The following AQP9 variants were observed in gnomAD, a reference collection of about 807,000 sequenced individuals.
AQP9 encodes the protein aquaporin 9, also known as aquaporin-9.
AQP9 carries 19 observed loss-of-function variants against 23.8 expected under a neutral mutation model. The observed-to-expected ratio is 0.80, with a 90% CI of 0.56 to 1.17. AQP9 has a LOEUF of 1.17. AQP9 is among the 50% of genes most tolerant of loss of function. The probability of loss-of-function intolerance (pLI) is 0.00; values close to 1 mark genes in which losing one functional copy is unlikely to be tolerated. For missense variants in AQP9, 413 were observed against 362.0 expected (o/e 1.14, Z -1.14); for synonymous variants, 153 against 131.5 (o/e 1.16, Z -1.12).
At chr15:58,174,190 A>T (rs1335013866) in intron 3 of AQP9, among the ~76,000 whole-genome samples, 2 of 152,114 alleles carry the variant, frequency 1.3e-5, no homozygotes, top group Non-Finnish European at 2.9e-5. Flanking sequence ...CAGGAGGCTG[A>T]TAAGAGGATT....
intron 1 of AQP9, among the ~76,000 whole-genome samples, chr15:58,157,337 T>A (rs1176077350): frequency 2.0e-5 from 3 of 152,192 alleles, no homozygotes; most frequent in African/African-American, 7.2e-5. Context: ...CCCAGAAAAG[T>A]CTTTGAAAGA....
intron 5 of AQP9, 151 bp downstream of exon 5, chr15:58,179,496 A>G (rs927225086): frequency 1.7e-6 from 1 of 598,662 alleles, no homozygotes; most frequent in African/African-American, 2.1e-5. Context: ...TTTCACTGGT[A>G]TTTTGTGGTA....
At chr15:58,146,188 C>T (rs1335517416) in intron 1 of AQP9, among the ~76,000 whole-genome samples, 2 of 152,056 alleles carry the variant, frequency 1.3e-5, no homozygotes, top group African/African-American at 2.4e-5. Context: ...TATTACCTTG[C>T]CTTTCCCCCA....
intron 2 of AQP9, among the ~76,000 whole-genome samples, chr15:58,172,481 T>G (rs561038708): frequency 1.3e-5 from 2 of 152,172 alleles, no homozygotes; most frequent in Non-Finnish European, 2.9e-5. Flanking sequence ...CATTTCTGTA[T>G]AGGAGAGAAA....
At chr15:58,174,191 T>C (rs1278625647) in intron 3 of AQP9, among the ~76,000 whole-genome samples, 1 of 151,116 alleles carries the variant, frequency 6.6e-6, no homozygotes, top group Non-Finnish European at 1.5e-5. Flanking sequence ...AGGAGGCTGA[T>C]AAGAGGATTG....
intron 1 of AQP9, chr15:58,153,739 T>C (rs1898194111): frequency 6.6e-6 from 1 of 152,164 alleles, no homozygotes; most frequent in South Asian, 2.1e-4. Context: ...GGTATGCCTT[T>C]CCTCACAGGC....
chr15:58,179,946 T>G (rs1328256720), intron 5 of AQP9, among the ~76,000 whole-genome samples: 2 of 152,180 alleles, frequency 1.3e-5, no homozygotes, highest in Non-Finnish European at 2.9e-5. Context: ...AAGACATGAC[T>G]GCAAATGTGA....
chr15:58,147,530 G>T (rs1486817031), intron 1 of AQP9, among the ~76,000 whole-genome samples: 1 of 152,180 alleles, frequency 6.6e-6, no homozygotes, highest in Admixed American at 6.5e-5. Context: ...TGCCAGCAAA[G>T]TGTGCCGGCC....
chr15:58,151,981 A>T (rs1898159733), intron 1 of AQP9: 1 of 152,172 alleles, frequency 6.6e-6, no homozygotes, highest in African/African-American at 2.4e-5. Context: ...AAACGGACTT[A>T]AAATCACTAT....
At chr15:58,181,218 C>T (rs115314614) in intron 5 of AQP9, among the ~76,000 whole-genome samples, 58 of 152,346 alleles carry the variant, frequency 3.8e-4, no homozygotes, top group African/African-American at 1.3e-3. Flanking sequence ...CCTTAGCTAG[C>T]ATCAGGATCT....
At chr15:58,171,834 G>GATCATCATC (rs34291701) in intron 2 of AQP9, among the ~76,000 whole-genome samples, 50 of 149,946 alleles carry the variant, frequency 3.3e-4, no homozygotes, top group Admixed American at 1.0e-3. Flanking sequence ...TTCTGTGCAG[G>GATCATCATC]ATCATCATCA....
chr15:58,176,016 C>G (rs1404134769), intron 4 of AQP9, among the ~76,000 whole-genome samples: 1 of 152,198 alleles, frequency 6.6e-6, no homozygotes, highest in African/African-American at 2.4e-5. Context: ...GCTGTTCTGC[C>G]TCCAACTTCC....
chr15:58,150,678 T>C (rs1475474458), intron 1 of AQP9: 1 of 152,212 alleles, frequency 6.6e-6, no homozygotes, highest in Non-Finnish European at 1.5e-5. Context: ...TTACTAGCAA[T>C]TACATTTTGA....
intron 2 of AQP9, among the ~76,000 whole-genome samples, chr15:58,167,044 G>C (rs1278692925): frequency 6.6e-6 from 1 of 152,200 alleles, no homozygotes; most frequent in African/African-American, 2.4e-5. Context: ...TCATTCCTAA[G>C]TCTGGCCGCT....
At chr15:58,166,976 T>C (rs59983186) in intron 2 of AQP9, among the ~76,000 whole-genome samples, 177 bp downstream of exon 2, 3,725 of 152,336 alleles carry the variant, frequency 0.024, 160 homozygotes, top group African/African-American at 0.084. Context: ...AAGTAACTTA[T>C]TATGCAAAGG....
At chr15:58,156,109 A>T (rs1276969654) in intron 1 of AQP9, 2 of 152,170 alleles carry the variant, frequency 1.3e-5, no homozygotes, top group Non-Finnish European at 2.9e-5. Flanking sequence ...GTAAACCAGA[A>T]ATGGGGAATT....
At chr15:58,181,152 A>G (rs1238874169) in intron 5 of AQP9, among the ~76,000 whole-genome samples, 1 of 152,162 alleles carries the variant, frequency 6.6e-6, no homozygotes, top group Non-Finnish European at 1.5e-5. Context: ...TCTGTTAAGT[A>G]TATGTTAGGA....
chr15:58,175,290 G>T (rs1419641525), intron 4 of AQP9, among the ~76,000 whole-genome samples: 2 of 152,220 alleles, frequency 1.3e-5, no homozygotes, highest in Non-Finnish European at 2.9e-5. Flanking sequence ...AAGAGTGAAT[G>T]ACTAAACATT....
At chr15:58,157,038 A>G (rs1189491800) in intron 1 of AQP9, among the ~76,000 whole-genome samples, 2 of 152,230 alleles carry the variant, frequency 1.3e-5, no homozygotes, top group Non-Finnish European at 2.9e-5. Context: ...ACACACATAT[A>G]TATGTGCATA....
Sources: gnomAD v4.1 joint callset for allele counts (sites outside exome capture counted in the v4.1 genomes callset) on GRCh38, gnomAD v4.1.1 for gene constraint, MANE v1.5 for transcripts, NCBI Gene and HGNC (gene_info 2026-07-23, HGNC 2026-07-21) for gene names.